TMTC2: variants seen among roughly 807,000 people sequenced by gnomAD.
TMTC2 encodes the protein protein O-mannosyl-transferase TMTC2.
TMTC2 carries 43 observed loss-of-function variants against 82.4 expected under a neutral mutation model. The observed-to-expected ratio is 0.52, with a 90% CI of 0.41 to 0.67. TMTC2 has a LOEUF of 0.67. Ranked by LOEUF, TMTC2 falls within the 30% of genes least tolerant of loss-of-function variation. TMTC2 has a pLI of 0.00. For missense variants in TMTC2, 919 were observed against 1,012.4 expected, an observed-to-expected ratio of 0.91 and a Z score of 1.25; for synonymous variants, 408 against 381.9, an observed-to-expected ratio of 1.07 and a Z score of -0.80.
intron 11 of TMTC2, among the ~76,000 whole-genome samples, chr12:83,116,129 G>C (rs1321400066): frequency 6.6e-6 from 1 of 152,050 alleles, no homozygotes; most frequent in African/African-American, 2.4e-5. Flanking sequence ...TTACGCCTTT[G>C]CATCCTCATA....
At chr12:82,705,937 T>C (rs894135374) in intron 1 of TMTC2, among the ~76,000 whole-genome samples, 2 of 152,066 alleles carry the variant, frequency 1.3e-5, no homozygotes, top group African/African-American at 4.8e-5. Context: ...TGACCCAGAC[T>C]GGGAGGGAAG....
intron 9 of TMTC2, among the ~76,000 whole-genome samples, chr12:83,036,631 G>A (rs991813866): frequency 6.6e-6 from 1 of 152,006 alleles, no homozygotes; most frequent in African/African-American, 2.4e-5. Context: ...AACTTGAAAA[G>A]CCCAGCTCTT....
At chr12:82,731,829 G>A (rs1874823447) in intron 1 of TMTC2, among the ~76,000 whole-genome samples, 1 of 152,156 alleles carries the variant, frequency 6.6e-6, no homozygotes, top group Admixed American at 6.5e-5. Context: ...TGACTAAATG[G>A]TTCTGACTTC....
chr12:82,896,567 CA>C lies in TMTC2; in HGVS notation c.1406del (p.Lys469ArgfsTer20), dbSNP rs1565798470. On this transcript the variant is annotated frameshift_variant, in exon 3 of 12. Transcript: ENST00000321196. LOFTEE classifies it high-confidence loss of function. ...CTACACTAATTGTTTTTTATGGACTCAAGACTGCGATCAGGAATGGAGACTG... is the reference window on the plus strand; with the variant it reads ...CTACACTAATTGTTTTTTATGGACTCAGACTGCGATCAGGAATGGAGACTG... ...TATLIVFYGL[K>X]TAIRNGDWQN... 6.2e-7 allele frequency: 1 copy of C among 1,614,088 alleles called. No individual in the cohort carries two copies. Among genetic ancestry groups the C allele is most frequent in the South Asian group, 1.1e-5 (1 of 91,076 alleles).
intron 4 of TMTC2, among the ~76,000 whole-genome samples, chr12:82,947,587 C>T (rs1413111540): frequency 6.6e-6 from 1 of 151,986 alleles, no homozygotes; most frequent in Non-Finnish European, 1.5e-5. Context: ...GCCTCGGCCT[C>T]CCAAAGTGCT....
intron 1 of TMTC2, among the ~76,000 whole-genome samples, chr12:82,841,833 C>T (rs138511906): frequency 2.6e-5 from 4 of 152,294 alleles, no homozygotes; most frequent in African/African-American, 7.2e-5. Flanking sequence ...GCCTTTTCCA[C>T]CCGTCACTGC....
intron 3 of TMTC2, among the ~76,000 whole-genome samples, chr12:82,907,496 G>A (rs527249352): frequency 3.3e-4 from 50 of 151,200 alleles, no homozygotes; most frequent in Middle Eastern, 3.4e-3. Flanking sequence ...AGAATGAATT[G>A]ACACAGAAAT....
chr12:82,964,503 G>T (rs1475671886), intron 4 of TMTC2, among the ~76,000 whole-genome samples: 1 of 152,066 alleles, frequency 6.6e-6, no homozygotes, highest in African/African-American at 2.4e-5. Flanking sequence ...CTTTTTTGTT[G>T]TTGTTCTTTT....
chr12:83,078,878 C>T (rs1883373565), intron 11 of TMTC2, among the ~76,000 whole-genome samples: 1 of 151,842 alleles, frequency 6.6e-6, no homozygotes, highest in Non-Finnish European at 1.5e-5. Flanking sequence ...AATATGGTGA[C>T]ATTAGAGACC....
intron 1 of TMTC2, among the ~76,000 whole-genome samples, chr12:82,756,126 T>A (rs1341758566): frequency 6.6e-6 from 1 of 152,200 alleles, no homozygotes; most frequent in Non-Finnish European, 1.5e-5. Context: ...ATAGGTTGAT[T>A]ATCTCCTTAG....
rs371991467 is a variant in TMTC2, at chr12:83,061,392, A to G, written c.2268-376A>G. ...TTACTGTTTTTATAAAACGAAAGCA[A>G]TAATTACTAATTTTGACAATTTATT... On this transcript the variant is annotated intron_variant, in intron 10 of 11. Transcript: ENST00000321196. 3.3e-5 allele frequency among the ~76,000 whole-genome samples: 5 copies of G among 151,948 alleles called. No homozygotes were observed. In the East Asian group the frequency reaches 7.7e-4, roughly 24 times the overall value.
intron 2 of TMTC2, among the ~76,000 whole-genome samples, chr12:82,858,504 A>G (rs1871369486): frequency 6.6e-6 from 1 of 152,226 alleles, no homozygotes; most frequent in African/African-American, 2.4e-5. Context: ...GGTTTTGGAT[A>G]CTTTGCTATG....
intron 8 of TMTC2, among the ~76,000 whole-genome samples, chr12:83,004,541 C>T (rs1386248103): frequency 6.6e-6 from 1 of 151,886 alleles, no homozygotes; most frequent in East Asian, 1.9e-4. Flanking sequence ...AATTTGCTGT[C>T]ATTTGGGTGG....
In TMTC2 at chr12:82,800,665, C is replaced by G. The variant is rs187306645; in HGVS notation, c.84-56345C>G. Among the ~76,000 whole-genome samples the G allele has an allele frequency of 2.4e-4, 36 of 152,248 alleles. No homozygotes were observed. The East Asian group carries it at 6.2e-3, about 26-fold the overall frequency. On this transcript the variant is annotated intron_variant, in intron 1 of 11. Transcript: ENST00000321196. The stretch of plus-strand genomic sequence containing the variant: ...GTTTTAGTGTTTCCACACTTAAGAG[C>G]TTGGAAATGTATGACTTACTGTCAT...
intron 1 of TMTC2, among the ~76,000 whole-genome samples, chr12:82,845,356 T>C (rs1223668568): frequency 6.7e-6 from 1 of 148,906 alleles, no homozygotes; most frequent in Non-Finnish European, 1.5e-5. Context: ...GTATTAGATG[T>C]AAAAATTTTG....
chr12:82,779,374 A>C (rs554342541), intron 1 of TMTC2, among the ~76,000 whole-genome samples: 1 of 152,230 alleles, frequency 6.6e-6, no homozygotes, highest in South Asian at 2.1e-4. Flanking sequence ...GCAAATAAGA[A>C]TGTTTCATGC....
intron 1 of TMTC2, among the ~76,000 whole-genome samples, chr12:82,802,227 C>T (rs1879044025): frequency 6.6e-6 from 1 of 152,168 alleles, no homozygotes; most frequent in African/African-American, 2.4e-5. Context: ...AGGTCCTAGG[C>T]TCCTCACTGC....
chr12:83,080,613 A>T (rs1438182308), intron 11 of TMTC2, among the ~76,000 whole-genome samples: 1 of 152,200 alleles, frequency 6.6e-6, no homozygotes, highest in Non-Finnish European at 1.5e-5. Flanking sequence ...TGCAAACCCC[A>T]GGCAGCCGGG....
At chr12:82,723,645 C>A (rs1219612466) in intron 1 of TMTC2, among the ~76,000 whole-genome samples, 3 of 152,140 alleles carry the variant, frequency 2.0e-5, no homozygotes, top group African/African-American at 7.2e-5. Context: ...CACATGAGGT[C>A]AGGTGTGGAA....
Sources: allele counts gnomAD v4.1 joint callset (sites outside exome capture counted in the v4.1 genomes callset), GRCh38; gene constraint gnomAD v4.1.1; transcripts MANE v1.5; gene names NCBI Gene and HGNC (gene_info 2026-07-23, HGNC 2026-07-21).